Variants in LIPC observed in about 807,000 individuals in gnomAD.
LIPC encodes lipase C, hepatic type, also known as hepatic triacylglycerol lipase.
A neutral mutation model predicts 50.7 loss-of-function variants in LIPC; 44 were observed. That is an observed-to-expected ratio of 0.87 (90% CI 0.68 to 1.11). The LOEUF (loss-of-function observed/expected upper bound fraction) is 1.11. Among genes scored for constraint, LIPC ranks in the 50% most tolerant of loss-of-function variants. The pLI is 0.00. For missense variants in LIPC, 697 were observed against 648.2 expected (o/e 1.08, Z -0.82); for synonymous variants, 271 against 256.4 (o/e 1.06, Z -0.54).
Position 58,476,397 on chromosome 15 carries a change from A to G in LIPC, c.88+44277A>G, listed in dbSNP as rs377587304. ...TAACACACCATCCTCTAAGGGACAG[A>G]AGTCACAGGAAGCCATGCAGTCTGG... On this transcript the variant is annotated intron_variant, in intron 1 of 8. Transcript: ENST00000299022. Among the ~76,000 whole-genome samples, 20 of 152,360 alleles carry G rather than the reference A, an allele frequency of 1.3e-4. No homozygotes were observed. The East Asian group carries it at 2.1e-3, about 16-fold the overall frequency.
rs576839020 is a variant in LIPC, at chr15:58,538,765, G to A, written c.273+248G>A. ...TTTCAGATAGAATGTGGCTCAAAGAGGCCACACAGCCCATTGGGGCCCACA... is the reference window on the plus strand; with the variant it reads ...TTTCAGATAGAATGTGGCTCAAAGAAGCCACACAGCCCATTGGGGCCCACA... On this transcript the variant is annotated intron_variant, in intron 2 of 8. Transcript: ENST00000299022. 4.6e-5 allele frequency among the ~76,000 whole-genome samples: 7 copies of A among 152,222 alleles called. No individual in the cohort carries two copies. In the South Asian group the frequency reaches 1.2e-3, roughly 27 times the overall value.
intron 1 of LIPC, among the ~76,000 whole-genome samples, chr15:58,480,586 T>C (rs1219683309): frequency 6.6e-6 from 1 of 152,204 alleles, no homozygotes; most frequent in Non-Finnish European, 1.5e-5. Flanking sequence ...TGTGAGCCAC[T>C]GTGCCCGGCC....
At chr15:58,449,692 A>G (rs567746) in intron 1 of LIPC, among the ~76,000 whole-genome samples, 107,529 of 151,622 alleles carry the variant, frequency 0.71, 39,175 homozygotes, top group Middle Eastern at 0.84. Context: ...AGCTTGCGCC[A>G]CCGCACCCTG....
intron 1 of LIPC, among the ~76,000 whole-genome samples, chr15:58,525,835 C>T (rs1391483439): frequency 6.6e-6 from 1 of 152,236 alleles, no homozygotes; most frequent in African/African-American, 2.4e-5. Flanking sequence ...AAGAACCCTT[C>T]AAGGAGGAAG....
intron 1 of LIPC, among the ~76,000 whole-genome samples, chr15:58,472,970 G>A (rs865884129): frequency 2.0e-5 from 3 of 152,186 alleles, no homozygotes; most frequent in Admixed American, 1.3e-4. Context: ...CACTCAGAAA[G>A]GGGCATGGTT....
At chr15:58,529,954 C>T (rs1310667835) in intron 1 of LIPC, among the ~76,000 whole-genome samples, 1 of 152,230 alleles carries the variant, frequency 6.6e-6, no homozygotes, top group African/African-American at 2.4e-5. Flanking sequence ...AAAGATATCG[C>T]ACAGGACAAC....
chr15:58,489,480 T>C (rs1271957564), intron 1 of LIPC, among the ~76,000 whole-genome samples: 7 of 151,888 alleles, frequency 4.6e-5, no homozygotes, highest in African/African-American at 1.7e-4. Flanking sequence ...GTGCTGCAGA[T>C]TGGTTGGGGA....
In LIPC at chr15:58,472,576, C is replaced by CAAA. The variant is rs34483233; in HGVS notation, c.88+40472_88+40474dup. Reference sequence around the variant, plus strand: ...GGGCAAGAGAGTGAGACTCTTGTCTCAAAAAAAAAAAAAAAAAATCTTGCC... The same window carrying CAAA: ...GGGCAAGAGAGTGAGACTCTTGTCTCAAAAAAAAAAAAAAAAAAAAATCTTGCC... On this transcript the variant is annotated intron_variant, in intron 1 of 8. Transcript: ENST00000299022. Among the ~76,000 whole-genome samples, 935 of 122,514 alleles carry CAAA rather than the reference C, an allele frequency of 7.6e-3. 16 individuals are homozygous for CAAA. The highest frequency in any genetic ancestry group is 0.021 in the African/African-American group (721 of 33,578). 80.4% of individuals were successfully genotyped at this position (122,514 alleles called of 152,430 possible). A position where few individuals can be genotyped will look rare whatever the true frequency, so the allele number is the denominator to read the frequency against.
chr15:58,436,508 A>G (rs1034514553), intron 1 of LIPC: 1 of 244,036 alleles, frequency 4.1e-6, no homozygotes, highest in Non-Finnish European at 8.3e-6. Context: ...AAAATTGTTC[A>G]CTGCTTTATA....
rs368306971 is a variant in LIPC, at chr15:58,541,859, C to T, written c.348C>T (p.Asn116=). The change falls in exon 3 of 9, where the codon AAC becomes AAT. Residue 116 remains asparagine, a synonymous_variant. Coordinates refer to ENST00000299022, the MANE Select transcript of LIPC (RefSeq NM_000236.3). ...ALKSQPAQPV[N]VGLVDWITLA... is the part of the protein sequence containing the mutation. ...AGTCTCAGCCGGCCCAGCCAGTGAA[C>T]GTGGGGCTGGTGGACTGGATCACCC... 98 of 1,613,076 alleles carry T rather than the reference C, an allele frequency of 6.1e-5. 1 individual carries two copies. The highest frequency in any genetic ancestry group is 2.2e-4 in the South Asian group (20 of 91,038).
At chr15:58,461,597 T>TA (rs1894350590) in intron 1 of LIPC, among the ~76,000 whole-genome samples, 1 of 151,696 alleles carries the variant, frequency 6.6e-6, no homozygotes, top group African/African-American at 2.4e-5. Context: ...TTTTTTTTTT[T>TA]AGTAGATATG....
At chr15:58,457,561 T>G (rs1277568316) in intron 1 of LIPC, among the ~76,000 whole-genome samples, 1 of 152,230 alleles carries the variant, frequency 6.6e-6, no homozygotes, top group African/African-American at 2.4e-5. Flanking sequence ...CCTCAGCATG[T>G]AAGACCACTT....
chr15:58,442,999 G>A (rs573345822), intron 1 of LIPC, among the ~76,000 whole-genome samples: 4 of 152,304 alleles, frequency 2.6e-5, no homozygotes, highest in South Asian at 2.1e-4. Context: ...TGCAATCCCC[G>A]CTTGCAGGGT....
intron 1 of LIPC, among the ~76,000 whole-genome samples, chr15:58,509,019 G>T (rs1172931791): frequency 1.3e-5 from 2 of 152,118 alleles, no homozygotes; most frequent in East Asian, 3.8e-4. Flanking sequence ...GCTCTTTTAA[G>T]AACTGCTAAA....
At chr15:58,521,931 T>TC (rs1566937592) in intron 1 of LIPC, 5 of 128,810 alleles carry the variant, frequency 3.9e-5, no homozygotes, top group Non-Finnish European at 3.5e-5. Context: ...CTCTCTCTCT[T>TC]TCCTTCCTGG....
intron 1 of LIPC, among the ~76,000 whole-genome samples, chr15:58,487,133 T>C (rs1891405832): frequency 6.6e-6 from 1 of 152,222 alleles, no homozygotes; most frequent in Non-Finnish European, 1.5e-5. Context: ...AAACATTGGC[T>C]GAACCCCATA....
intron 1 of LIPC, among the ~76,000 whole-genome samples, chr15:58,493,127 T>C (rs1446466802): frequency 6.6e-6 from 1 of 152,266 alleles, no homozygotes; most frequent in African/African-American, 2.4e-5. Flanking sequence ...CCATGGTATC[T>C]CACATCATCA....
At chr15:58,498,962 G>A (rs28754365) in intron 1 of LIPC, among the ~76,000 whole-genome samples, 4 of 152,230 alleles carry the variant, frequency 2.6e-5, no homozygotes, top group Admixed American at 1.3e-4. Context: ...AGTAGCAAAA[G>A]CAACACATTA....
Position 58,568,890 on chromosome 15 carries a change from T to A in LIPC, c.*63T>A. 1.1e-6 allele frequency: 1 copy of A among 946,766 alleles called. No homozygotes were observed. Among genetic ancestry groups the A allele is most frequent in the South Asian group, 1.6e-5 (1 of 62,142 alleles). The allele number at this position is 946,766 out of a possible 1,614,324, so 58.6% of individuals were successfully genotyped here. ...TTACTCCTTATCTGGAATGGCTGCC[T>A]TATTTAGAAGCCAAAATTACATAAA... On this transcript the variant is annotated 3_prime_UTR_variant, in exon 9 of 9. Coordinates refer to ENST00000299022, the MANE Select transcript of LIPC (RefSeq NM_000236.3).
Sources: gnomAD v4.1 joint callset for allele counts (sites outside exome capture counted in the v4.1 genomes callset) on GRCh38, gnomAD v4.1.1 for gene constraint, MANE v1.5 for transcripts, NCBI Gene and HGNC (gene_info 2026-07-23, HGNC 2026-07-21) for gene names.